The following CHIC1 variants were observed in gnomAD, a reference collection of about 807,000 sequenced individuals.
The protein encoded by CHIC1 is cysteine rich hydrophobic domain 1, also known as cysteine-rich hydrophobic domain-containing protein 1.
Under a neutral mutation model 18.5 loss-of-function variants are expected in CHIC1, and 7 were observed. The observed-to-expected ratio is 0.38, with a 90% confidence interval of 0.22 to 0.71. The LOEUF is 0.71. Among genes scored for constraint, CHIC1 ranks in the 30% least tolerant of loss-of-function variants. CHIC1 has a pLI of 0.49. For missense variants in CHIC1, 159 were observed against 176.9 expected, an observed-to-expected ratio of 0.90 and a Z score of 0.57; for synonymous variants, 77 against 73.5, an observed-to-expected ratio of 1.05 and a Z score of -0.25.
intron 3 of CHIC1, among the ~76,000 whole-genome samples, chrX:73,662,033 TATA>T (rs1188492062): frequency 9.4e-5 from 10 of 106,525 alleles, no homozygotes; most frequent in African/African-American, 1.4e-4. Context: ...AAACTTAAAG[TATA>T]ATAATAAAAA....
chrX:73,619,540 T>A (rs1055048581), intron 3 of CHIC1, among the ~76,000 whole-genome samples: 2 of 111,366 alleles, frequency 1.8e-5, no homozygotes, highest in African/African-American at 6.5e-5. Context: ...TCTAGCTTCT[T>A]TTTGTTATAT....
intron 3 of CHIC1, among the ~76,000 whole-genome samples, chrX:73,593,798 T>C (rs1569501202): frequency 9.0e-6 from 1 of 111,643 alleles, no homozygotes; most frequent in Non-Finnish European, 1.9e-5. Flanking sequence ...CATTTCATCT[T>C]TCAATTTTTG....
At chrX:73,653,249 C>T (rs2057926445) in intron 3 of CHIC1, among the ~76,000 whole-genome samples, 1 of 109,658 alleles carries the variant, frequency 9.1e-6, no homozygotes, top group African/African-American at 3.3e-5. Context: ...GGGAGGGAAC[C>T]TAGAGGACGG....
intron 3 of CHIC1, among the ~76,000 whole-genome samples, chrX:73,612,386 G>A (rs924480007): frequency 1.6e-4 from 18 of 111,211 alleles, no homozygotes; most frequent in Non-Finnish European, 2.6e-4. Context: ...TCCTTGAGAT[G>A]CAGTGTTAGG....
At chrX:73,614,270 C>T (rs1603343726) in intron 3 of CHIC1, among the ~76,000 whole-genome samples, 1 of 111,314 alleles carries the variant, frequency 9.0e-6, no homozygotes, top group Middle Eastern at 4.7e-3. Flanking sequence ...AGTGACAAGA[C>T]ACTTTTCTCT....
At chrX:73,631,039 T>C (rs986722924) in intron 3 of CHIC1, among the ~76,000 whole-genome samples, 3 of 111,919 alleles carry the variant, frequency 2.7e-5, no homozygotes, top group Admixed American at 9.5e-5. Flanking sequence ...TGACTTATAA[T>C]TGTTCATAAT....
chrX:73,634,370 G>A, intron 3 of CHIC1, among the ~76,000 whole-genome samples: 1 of 112,935 alleles, frequency 8.9e-6, no homozygotes, highest in Non-Finnish European at 1.9e-5. Flanking sequence ...CTATGGCACT[G>A]CCCAAGCATG....
rs764448084 is a variant in CHIC1 at position 73,642,083 on chromosome X, G to A, written c.508-37243G>A. ...GGTATTTCTAGTTCTAGATCCCTGA[G>A]GAATCGCCACACTGACTTCCACAAG... is the stretch of plus-strand genomic sequence containing the variant. On this transcript the variant is annotated intron_variant, in intron 3 of 5. Transcript: ENST00000373502. Among the ~76,000 whole-genome samples, 35 of 111,735 alleles carry A rather than the reference G, an allele frequency of 3.1e-4. No homozygotes were observed. In the East Asian group the frequency reaches 8.5e-3, roughly 27 times the overall value.
At chrX:73,588,635 A>G (rs868435107) in intron 3 of CHIC1, among the ~76,000 whole-genome samples, 14 of 110,963 alleles carry the variant, frequency 1.3e-4, no homozygotes, top group African/African-American at 4.5e-4. Context: ...TTTAAGAAGG[A>G]TTGGTATTCT....
At chrX:73,588,604 C>T (rs993282909) in intron 3 of CHIC1, among the ~76,000 whole-genome samples, 1 of 110,905 alleles carries the variant, frequency 9.0e-6, no homozygotes, top group African/African-American at 3.3e-5. Context: ...GTGTTTCCCT[C>T]TTTTCTGTAT....
intron 3 of CHIC1, among the ~76,000 whole-genome samples, chrX:73,592,736 T>A (rs1388968210): frequency 1.8e-5 from 2 of 109,716 alleles, no homozygotes; most frequent in East Asian, 5.8e-4. Flanking sequence ...TAAGGAGGAG[T>A]CTCTCCTCCT....
chrX:73,663,590 C>G (rs1403982135), intron 3 of CHIC1, among the ~76,000 whole-genome samples: 4 of 110,819 alleles, frequency 3.6e-5, no homozygotes, highest in Non-Finnish European at 7.5e-5. Context: ...TTCTGAGTGA[C>G]CCAAGGCCAA....
intron 2 of CHIC1, among the ~76,000 whole-genome samples, chrX:73,582,469 C>CTT (rs756236067): frequency 3.9e-5 from 4 of 103,552 alleles, no homozygotes; most frequent in African/African-American, 1.4e-4. Flanking sequence ...CTTGATTTTT[C>CTT]TTTTTTTTTT....
intron 3 of CHIC1, among the ~76,000 whole-genome samples, chrX:73,631,549 C>T (rs2057807105): frequency 9.1e-6 from 1 of 110,284 alleles, no homozygotes; most frequent in Non-Finnish European, 1.9e-5. Context: ...AGGAGAATCA[C>T]TTGAATCCAG....
At chrX:73,674,135 G>C (rs2147628011) in intron 3 of CHIC1, among the ~76,000 whole-genome samples, 1 of 111,982 alleles carries the variant, frequency 8.9e-6, no homozygotes, top group East Asian at 2.8e-4. Context: ...TTGATGTGCT[G>C]CTGGATTCGG....
intron 3 of CHIC1, among the ~76,000 whole-genome samples, chrX:73,602,430 G>C (rs1213878792): frequency 9.2e-6 from 1 of 108,317 alleles, no homozygotes; most frequent in African/African-American, 3.6e-5. Flanking sequence ...TTTTCAGATG[G>C]ATAGATTGCA....
intron 3 of CHIC1, among the ~76,000 whole-genome samples, chrX:73,672,809 C>T (rs2147626548): frequency 9.0e-6 from 1 of 111,679 alleles, no homozygotes; most frequent in Non-Finnish European, 1.9e-5. Context: ...GTTGCCATTG[C>T]TTTTGGTGTT....
chrX:73,580,167 C>G (rs2057519974), intron 2 of CHIC1, among the ~76,000 whole-genome samples: 1 of 110,788 alleles, frequency 9.0e-6, no homozygotes, highest in South Asian at 3.7e-4. Flanking sequence ...TCTTTACAAG[C>G]CTTCTGAAAC....
chrX:73,683,996 A>G lies in CHIC1; in HGVS notation c.*2991A>G, dbSNP rs1404087260. The G allele has an allele frequency of 8.9e-6, 1 of 112,264 alleles. No individual in the cohort carries two copies. Among genetic ancestry groups the G allele is most frequent in the Non-Finnish European group, 1.9e-5 (1 of 52,934 alleles). The allele number at this position is 112,264 out of a possible 1,213,427, so 9.3% of individuals were successfully genotyped here. A position where few individuals can be genotyped will look rare whatever the true frequency, so the allele number is the denominator to read the frequency against. On this transcript the variant is annotated 3_prime_UTR_variant, in exon 6 of 6. Coordinates refer to ENST00000373502, the MANE Select transcript of CHIC1 (RefSeq NM_001039840.4). ...GAGAAGTGCCTTGTCTTTTTAGAACAAAGATAACACATTACGTGTAAGGAA... is the reference window on the plus strand; with the variant it reads ...GAGAAGTGCCTTGTCTTTTTAGAACGAAGATAACACATTACGTGTAAGGAA...
Sources: allele counts gnomAD v4.1 joint callset (sites outside exome capture counted in the v4.1 genomes callset), GRCh38; gene constraint gnomAD v4.1.1; transcripts MANE v1.5; gene names NCBI Gene and HGNC (gene_info 2026-07-23, HGNC 2026-07-21).